RORA: variants seen among roughly 807,000 people sequenced by gnomAD.
The protein encoded by RORA is RAR related orphan receptor A.
Under a neutral mutation model 69.5 loss-of-function variants are expected in RORA, and 7 were observed. The observed-to-expected ratio is 0.10, with a 90% CI of 0.06 to 0.19. RORA has a LOEUF of 0.19. Ranked by LOEUF, RORA falls within the 10% of genes least tolerant of loss-of-function variation. RORA has a pLI of 1.00. For missense variants in RORA, 457 were observed against 663.0 expected, an observed-to-expected ratio of 0.69 and a Z score of 3.41; for synonymous variants, 261 against 240.8, an observed-to-expected ratio of 1.08 and a Z score of -0.78.
intron 1 of RORA, among the ~76,000 whole-genome samples, chr15:60,940,613 C>G (rs77393135): frequency 0.01 from 1,582 of 152,234 alleles, 32 homozygotes; most frequent in African/African-American, 0.036. Context: ...CAAAATTCAT[C>G]TAACTGTATG....
intron 1 of RORA, among the ~76,000 whole-genome samples, chr15:60,985,921 G>C (rs991616886): frequency 2.0e-5 from 3 of 152,162 alleles, no homozygotes; most frequent in Non-Finnish European, 2.9e-5. Context: ...AAAATTAAGA[G>C]TTTATCTGAA....
intron 1 of RORA, among the ~76,000 whole-genome samples, chr15:61,040,610 G>A (rs1326871042): frequency 6.6e-6 from 1 of 151,916 alleles, no homozygotes; most frequent in East Asian, 1.9e-4. Context: ...ACACTAGGTA[G>A]ACCGTACACC....
intron 1 of RORA, among the ~76,000 whole-genome samples, chr15:61,080,789 C>T (rs761848074): frequency 1.4e-4 from 21 of 152,176 alleles, no homozygotes; most frequent in Non-Finnish European, 2.6e-4. Flanking sequence ...TTTATACCAA[C>T]GACTGGCATA....
At position 60,819,769 on chromosome 15, in the gene RORA, A is replaced by ACACACACACG. The variant is rs1555455777; in HGVS notation, c.167-141084_167-141083insCGTGTGTGTG. On this transcript the variant is annotated intron_variant, in intron 1 of 10. Coordinates refer to ENST00000335670, the MANE Select transcript of RORA (RefSeq NM_134261.3). ...CAGACACACACACACACACACACAC[A>ACACACACACG]CACACACACACACACACACACACAC... is the stretch of plus-strand genomic sequence containing the variant. 3.2e-4 allele frequency among the ~76,000 whole-genome samples: 48 copies of ACACACACACG among 150,162 alleles called. 1 individual carries two copies. The highest frequency in any genetic ancestry group is 2.5e-3 in the East Asian group (13 of 5,104).
At chr15:61,225,293 T>G (rs2080135646) in intron 1 of RORA, among the ~76,000 whole-genome samples, 2 of 152,156 alleles carry the variant, frequency 1.3e-5, no homozygotes, top group Non-Finnish European at 2.9e-5. Flanking sequence ...GGGGCATCAT[T>G]TGTTCACTGT....
At chr15:60,681,221 C>G (rs903029057) in intron 1 of RORA, among the ~76,000 whole-genome samples, 1 of 152,126 alleles carries the variant, frequency 6.6e-6, no homozygotes, top group Non-Finnish European at 1.5e-5. Flanking sequence ...AACTGAGGCT[C>G]AGGAAAGTTT....
chr15:60,511,283 G>A lies in RORA; in HGVS notation c.763C>T (p.Pro255Ser). Residue 255 changes from proline (P) to serine (S), a missense_variant, in exon 5 of 11, where the codon CCC becomes TCC. Coordinates refer to ENST00000335670, the MANE Select transcript of RORA (RefSeq NM_134261.3). The surrounding 1 kb of genome is among the most constrained non-coding windows in gnomAD (Gnocchi z 6.4). ...CDYTPASGFFPYCSFTNGETS... is the reference protein window; with the variant it reads ...CDYTPASGFFSYCSFTNGETS... ...TCGCCGTTGGTGAACGAACAGTAGG[G>A]AAAGAAGCCTGATGCTGGTGTGTAG... 3 of 1,614,232 alleles carry A rather than the reference G, an allele frequency of 1.9e-6. No individual in the cohort carries two copies. The highest frequency in any genetic ancestry group is 2.5e-6 in the Non-Finnish European group (3 of 1,180,030).
Position 60,542,618 on chromosome 15 carries a change from C to T in RORA, c.197-10767G>A, listed in dbSNP as rs571954358. Among the ~76,000 whole-genome samples the T allele has an allele frequency of 1.8e-3, 256 of 139,000 alleles. 4 individuals carry two copies. Among genetic ancestry groups the T allele is most frequent in the African/African-American group, 6.8e-3 (221 of 32,352 alleles). 91.2% of individuals were successfully genotyped at this position (139,000 alleles called of 152,430 possible). On this transcript the variant is annotated intron_variant, in intron 2 of 10. Transcript: ENST00000335670. ...ACGGCACGCATGCACACCTCACACA[C>T]GGCACACATGCACACCTCACACACG...
chr15:60,817,210 C>T (rs982842512), intron 1 of RORA, among the ~76,000 whole-genome samples: 8 of 152,154 alleles, frequency 5.3e-5, no homozygotes, highest in African/African-American at 1.9e-4. Context: ...CTCTAGACCA[C>T]GGCAATAAAG....
chr15:60,880,228 C>T (rs1197058323), intron 1 of RORA, among the ~76,000 whole-genome samples: 1 of 152,194 alleles, frequency 6.6e-6, no homozygotes, highest in Non-Finnish European at 1.5e-5. Context: ...TTCCCTCACC[C>T]ACTCCTCACC....
At chr15:60,927,618 C>A (rs891944491) in intron 1 of RORA, among the ~76,000 whole-genome samples, 23 of 151,948 alleles carry the variant, frequency 1.5e-4, no homozygotes, top group Admixed American at 1.5e-3. Context: ...ACTAAAAATA[C>A]AAAAAATTAG....
intron 1 of RORA, among the ~76,000 whole-genome samples, chr15:61,221,495 TAG>T (rs1034742878): frequency 6.6e-6 from 1 of 152,246 alleles, no homozygotes; most frequent in African/African-American, 2.4e-5. Flanking sequence ...TAGTTTGACA[TAG>T]ATTTTAAGCC....
At chr15:61,146,251 G>A (rs1447166241) in intron 1 of RORA, among the ~76,000 whole-genome samples, 3 of 151,964 alleles carry the variant, frequency 2.0e-5, no homozygotes, top group Admixed American at 6.6e-5. Context: ...TTATCACTTC[G>A]CCCAGACCCT....
At chr15:60,883,935 G>C (rs189487071) in intron 1 of RORA, among the ~76,000 whole-genome samples, 2 of 152,324 alleles carry the variant, frequency 1.3e-5, no homozygotes, top group East Asian at 3.9e-4. Context: ...GCACTCCTTT[G>C]TCAAACTGGT....
intron 1 of RORA, among the ~76,000 whole-genome samples, chr15:60,874,478 T>C (rs931558806): frequency 6.6e-6 from 1 of 152,186 alleles, no homozygotes; most frequent in African/African-American, 2.4e-5. Context: ...GACTGTCTTT[T>C]GTAAGACTCA....
At chr15:61,126,225 T>A (rs1000220673) in intron 1 of RORA, among the ~76,000 whole-genome samples, 1 of 152,188 alleles carries the variant, frequency 6.6e-6, no homozygotes, top group African/African-American at 2.4e-5. Context: ...TATTACAGCC[T>A]AACTGACACA....
At chr15:61,083,931 G>A (rs1398472975) in intron 1 of RORA, among the ~76,000 whole-genome samples, 1 of 152,162 alleles carries the variant, frequency 6.6e-6, no homozygotes, top group Non-Finnish European at 1.5e-5. Context: ...AACAAACCCT[G>A]AGCCACTCAT....
intron 2 of RORA, among the ~76,000 whole-genome samples, chr15:60,621,438 A>G (rs339991): frequency 0.61 from 93,222 of 151,848 alleles, 28,937 homozygotes; most frequent in African/African-American, 0.72. Context: ...ACAGAGAGCT[A>G]CCTGGCAGAG....
chr15:60,955,692 A>G (rs892680034), intron 1 of RORA, among the ~76,000 whole-genome samples: 10 of 152,218 alleles, frequency 6.6e-5, no homozygotes, highest in African/African-American at 2.4e-4. Flanking sequence ...AGAAATGGAG[A>G]CTTGGCCCCC....
Sources: gnomAD v4.1 joint callset for allele counts (sites outside exome capture counted in the v4.1 genomes callset) on GRCh38, gnomAD v4.1.1 for gene constraint, Gnocchi (gnomAD v3.1) non-coding constraint, MANE v1.5 for transcripts, NCBI Gene and HGNC (gene_info 2026-07-23, HGNC 2026-07-21) for gene names.